OSBPL5: variants seen among roughly 807,000 people sequenced by gnomAD.
OSBPL5 encodes oxysterol-binding protein-related protein 5.
Under a neutral mutation model 111.2 loss-of-function variants are expected in OSBPL5, and 71 were observed. That is an observed-to-expected ratio of 0.64 (90% confidence interval 0.53 to 0.78). OSBPL5 has a LOEUF of 0.78. Ranked by LOEUF, OSBPL5 falls within the 30% of genes least tolerant of loss-of-function variation. OSBPL5 has a pLI of 0.00. For synonymous variants in OSBPL5, 549 were observed against 513.9 expected (o/e 1.07, Z -0.93); for missense variants, 1,210 against 1,189.3 (o/e 1.02, Z -0.26).
At chr11:3,164,035 T>C (rs1220324645) in intron 1 of OSBPL5, 4 of 152,242 alleles carry the variant, frequency 2.6e-5, no homozygotes, top group Non-Finnish European at 5.9e-5. Context: ...GAGCAGAGTT[T>C]CTGTTCAGTC....
chr11:3,103,854 G>GCCCC (rs879566277), intron 10 of OSBPL5, among the ~76,000 whole-genome samples: 2 of 103,414 alleles, frequency 1.9e-5, no homozygotes, highest in African/African-American at 3.9e-5. Context: ...CCCCTTTCCA[G>GCCCC]TCTGCGCAGC....
intron 1 of OSBPL5, among the ~76,000 whole-genome samples, chr11:3,151,173 G>C (rs1005081225): frequency 2.0e-5 from 3 of 152,162 alleles, no homozygotes; most frequent in African/African-American, 7.2e-5. Flanking sequence ...GAGCCCCTGG[G>C]AGCTGGAAGA....
intron 3 of OSBPL5, among the ~76,000 whole-genome samples, chr11:3,122,731 G>A (rs1858467957): frequency 6.6e-6 from 1 of 152,224 alleles, no homozygotes. Context: ...GAAATGTGGG[G>A]ACATCAGGGT....
At position 3,144,292 on chromosome 11, in the gene OSBPL5, C is replaced by T. The variant is rs540689077; in HGVS notation, c.-21-15123G>A. ...ATGAGAGCCCCAGGGAAGTGGGGTGCCATGGTGCCAAGGAGCAGTGTGAGG... is the reference window on the plus strand; with the variant it reads ...ATGAGAGCCCCAGGGAAGTGGGGTGTCATGGTGCCAAGGAGCAGTGTGAGG... On this transcript the variant is annotated intron_variant, in intron 1 of 21. Coordinates refer to ENST00000263650, the MANE Select transcript of OSBPL5 (RefSeq NM_020896.4). Among the ~76,000 whole-genome samples, 3 of 152,272 alleles carry T rather than the reference C, an allele frequency of 2.0e-5. No individual in the cohort carries two copies. The South Asian group carries it at 6.2e-4, about 32-fold the overall frequency.
intron 7 of OSBPL5, among the ~76,000 whole-genome samples, chr11:3,118,570 ATTTTTTTT>A (rs143316664): frequency 8.1e-6 from 1 of 124,162 alleles, no homozygotes; most frequent in Non-Finnish European, 1.7e-5. Context: ...AAAATAAACT[ATTTTTTTT>A]TTTTTTTTTT....
At chr11:3,091,951 G>A (rs773790932) in intron 19 of OSBPL5, among the ~76,000 whole-genome samples, 53 of 152,128 alleles carry the variant, frequency 3.5e-4, no homozygotes, top group Non-Finnish European at 5.9e-4. Context: ...TGGGTTTGGC[G>A]CCACCTGGTG....
rs376022342 is a variant in OSBPL5, at chr11:3,093,508, G to A, written c.1946+19C>T. The A allele has an allele frequency of 9.4e-5, 150 of 1,603,420 alleles. 1 individual carries two copies. The African/African-American group carries it at 1.9e-3, about 20-fold the overall frequency. ...TCAGGCTGTGGTCAGCAGGGTCCCTGGGCGCTGACAGGCCTCACCTCTCGG... is the reference window on the plus strand; with the variant it reads ...TCAGGCTGTGGTCAGCAGGGTCCCTAGGCGCTGACAGGCCTCACCTCTCGG... On this transcript the variant is annotated intron_variant, in intron 17 of 21. Transcript: ENST00000263650.
intron 1 of OSBPL5, among the ~76,000 whole-genome samples, chr11:3,139,279 G>A (rs1846039675): frequency 6.6e-6 from 1 of 151,164 alleles, no homozygotes; most frequent in South Asian, 2.1e-4. Flanking sequence ...CCAGGAGGCT[G>A]TGCGGGACGG....
intron 1 of OSBPL5, among the ~76,000 whole-genome samples, chr11:3,139,846 C>A (rs1034327605): frequency 6.6e-6 from 1 of 152,242 alleles, no homozygotes; most frequent in Non-Finnish European, 1.5e-5. Flanking sequence ...CCTGAAGGAG[C>A]ACAAGCTCCT....
intron 3 of OSBPL5, among the ~76,000 whole-genome samples, chr11:3,123,082 G>A (rs776161950): frequency 1.3e-5 from 2 of 152,214 alleles, no homozygotes; most frequent in Non-Finnish European, 2.9e-5. Flanking sequence ...CCTGGGAGCC[G>A]TGGGCAGAGG....
At position 3,110,361 on chromosome 11, in the gene OSBPL5, G is replaced by T. The variant is rs1018298282; in HGVS notation, c.692-2416C>A. On this transcript the variant is annotated intron_variant, in intron 7 of 21. Coordinates refer to ENST00000263650, the MANE Select transcript of OSBPL5 (RefSeq NM_020896.4). The surrounding 1 kb of genome is among the most constrained non-coding windows in gnomAD (Gnocchi z 5.3). Reference sequence around the variant, plus strand: ...GGTTAGAGGGAGGAACGGCCAAGAGGGAATCCCTCCAGGTGGAGGATCATC... The same window carrying T: ...GGTTAGAGGGAGGAACGGCCAAGAGTGAATCCCTCCAGGTGGAGGATCATC... 1.6e-4 allele frequency among the ~76,000 whole-genome samples: 24 copies of T among 152,226 alleles called. No individual in the cohort carries two copies. Among genetic ancestry groups the T allele is most frequent in the African/African-American group, 5.1e-4 (21 of 41,458 alleles).
At chr11:3,089,656 C>A (rs1468734222) in intron 21 of OSBPL5, among the ~76,000 whole-genome samples, 190 bp downstream of exon 21, 1 of 152,218 alleles carries the variant, frequency 6.6e-6, no homozygotes, top group Non-Finnish European at 1.5e-5. Context: ...GCACCACCTG[C>A]CGCTCCCACA....
At chr11:3,103,761 GC>G (rs1564829893) in intron 10 of OSBPL5, among the ~76,000 whole-genome samples, 3 of 26,008 alleles carry the variant, frequency 1.2e-4, no homozygotes, top group Non-Finnish European at 3.5e-4. Flanking sequence ...TTCCAGCTCT[GC>G]AGCCCCCTTC....
intron 1 of OSBPL5, among the ~76,000 whole-genome samples, chr11:3,136,922 T>G (rs1845964539): frequency 6.6e-6 from 1 of 152,220 alleles, no homozygotes; most frequent in South Asian, 2.1e-4. Context: ...AGATAGATTC[T>G]CGTTCAAGAC....
chr11:3,133,110 G>T (rs897127183), intron 1 of OSBPL5, among the ~76,000 whole-genome samples: 1 of 152,242 alleles, frequency 6.6e-6, no homozygotes, highest in African/African-American at 2.4e-5. Flanking sequence ...CCCTAGTGAG[G>T]TTCCCATCCC....
intron 1 of OSBPL5, among the ~76,000 whole-genome samples, chr11:3,157,016 C>T (rs948281704): frequency 9.9e-5 from 15 of 152,252 alleles, no homozygotes; most frequent in Non-Finnish European, 1.6e-4. Flanking sequence ...GGCCACTCCT[C>T]GGGGCCCCCA....
At chr11:3,098,933 G>C (rs1175539979) in intron 14 of OSBPL5, among the ~76,000 whole-genome samples, 1 of 151,884 alleles carries the variant, frequency 6.6e-6, no homozygotes, top group African/African-American at 2.4e-5. Flanking sequence ...ACCTCCCAAG[G>C]CTGGGACCAC....
In OSBPL5 at chr11:3,153,977, C is replaced by G. The variant is rs1382457668; in HGVS notation, c.-22+11239G>C. On this transcript the variant is annotated intron_variant, in intron 1 of 21. Transcript: ENST00000263650. Reference sequence around the variant, plus strand: ...GGGAGCCCCGGGGTTACCGGCTCCCCAACAGCGCCGTCAGCCCCGCACACA... The same window carrying G: ...GGGAGCCCCGGGGTTACCGGCTCCCGAACAGCGCCGTCAGCCCCGCACACA... Among the ~76,000 whole-genome samples, 4 of 152,368 alleles carry G rather than the reference C, an allele frequency of 2.6e-5. No individual in the cohort carries two copies. In the East Asian group the frequency reaches 7.7e-4, roughly 29 times the overall value.
chr11:3,135,958 G>A (rs1845937923), intron 1 of OSBPL5, among the ~76,000 whole-genome samples: 1 of 152,212 alleles, frequency 6.6e-6, no homozygotes, highest in African/African-American at 2.4e-5. Context: ...TGCATAGGCT[G>A]GAGCAGGCTC....
Sources: gnomAD v4.1 joint callset for allele counts (sites outside exome capture counted in the v4.1 genomes callset) on GRCh38, gnomAD v4.1.1 for gene constraint, Gnocchi (gnomAD v3.1) non-coding constraint, MANE v1.5 for transcripts, NCBI Gene and HGNC (gene_info 2026-07-23, HGNC 2026-07-21) for gene names.